Variants in LMAN2 observed in about 807,000 individuals in gnomAD.
LMAN2 encodes the protein lectin, mannose binding 2, also known as vesicular integral-membrane protein VIP36.
Under a neutral mutation model 39.3 loss-of-function variants are expected in LMAN2, and 22 were observed. The ratio of observed to expected loss-of-function variants is 0.56; its 90% confidence interval spans 0.40 to 0.80. The LOEUF (loss-of-function observed/expected upper bound fraction) is 0.80, where lower values mean the gene tolerates loss of function less well. LMAN2 is among the 30% of genes least tolerant of loss of function. The pLI is 0.00. For missense variants in LMAN2, 494 were observed against 505.4 expected (o/e 0.98, Z 0.22); for synonymous variants, 207 against 207.8 (o/e 1.00, Z 0.03).
intron 6 of LMAN2, among the ~76,000 whole-genome samples, chr5:177,336,255 G>A (rs533502561): frequency 1.3e-5 from 2 of 152,314 alleles, no homozygotes; most frequent in Admixed American, 1.3e-4. Flanking sequence ...CGGGGCAGGA[G>A]GGCACAGGCG....
chr5:177,347,087 A>T (rs896626262), intron 2 of LMAN2, among the ~76,000 whole-genome samples: 1 of 152,222 alleles, frequency 6.6e-6, no homozygotes, highest in East Asian at 1.9e-4. Context: ...TTTAAAAGAT[A>T]ACTAAAATAG....
chr5:177,350,255 G>A (rs1393604774), intron 2 of LMAN2, among the ~76,000 whole-genome samples: 1 of 152,206 alleles, frequency 6.6e-6, no homozygotes, highest in African/African-American at 2.4e-5. Flanking sequence ...TCAGAGAGCA[G>A]GGTGATGGAG....
At chr5:177,334,614 C>A in intron 6 of LMAN2, 1 of 547,084 alleles carries the variant, frequency 1.8e-6, no homozygotes. Flanking sequence ...GGAGAGAAAA[C>A]AGTAAGGGCT....
chr5:177,331,966 A>T lies in LMAN2; in HGVS notation c.*120T>A. 1 of 1,149,420 alleles carries T rather than the reference A, an allele frequency of 8.7e-7. No homozygotes were observed. Among genetic ancestry groups the T allele is most frequent in the Non-Finnish European group, 1.2e-6 (1 of 834,606 alleles). The allele number at this position is 1,149,420 out of a possible 1,614,324, so 71.2% of individuals were successfully genotyped here. A position where few individuals can be genotyped will look rare whatever the true frequency, so the allele number is the denominator to read the frequency against. ...GAAGCAAAATGTATGAAAATACTTT[A>T]ATCATTTATTTGAAACAGTTAAGAA... On this transcript the variant is annotated 3_prime_UTR_variant, in exon 8 of 8. Coordinates refer to ENST00000303127, the MANE Select transcript of LMAN2 (RefSeq NM_006816.3).
chr5:177,334,142 G>A (rs750729250), intron 7 of LMAN2, 142 bp downstream of exon 7: 17 of 1,390,428 alleles, frequency 1.2e-5, no homozygotes, highest in East Asian at 2.4e-5. Context: ...AGCCAGTGCC[G>A]CTTGCCAGGA....
intron 2 of LMAN2, among the ~76,000 whole-genome samples, chr5:177,340,293 T>G (rs1761532725): frequency 6.6e-6 from 1 of 152,184 alleles, no homozygotes; most frequent in Non-Finnish European, 1.5e-5. Flanking sequence ...CCCCAGGCAA[T>G]CCTGAGAACG....
At chr5:177,349,105 A>G (rs1005442367) in intron 2 of LMAN2, among the ~76,000 whole-genome samples, 2 of 152,152 alleles carry the variant, frequency 1.3e-5, no homozygotes, top group African/African-American at 4.8e-5. Context: ...GCCTCCGCAC[A>G]AGACCCCCAA....
Position 177,331,981 on chromosome 5 carries a change from ACAGTT to A in LMAN2, c.*100_*104del. The stretch of plus-strand genomic sequence containing the variant: ...AAAATACTTTAATCATTTATTTGAA[ACAGTT>A]AAGAAATAAGGTCATCTTGTTGTTC... On this transcript the variant is annotated 3_prime_UTR_variant, in exon 8 of 8. Transcript: ENST00000303127. 8.3e-7 allele frequency: 1 copy of A among 1,207,678 alleles called. No homozygotes were observed. The highest frequency in any genetic ancestry group is 1.5e-5 in the African/African-American group (1 of 65,310). 74.8% of individuals were successfully genotyped at this position (1,207,678 alleles called of 1,614,324 possible). A position where few individuals can be genotyped will look rare whatever the true frequency, so the allele number is the denominator to read the frequency against.
rs139795309 is a variant in LMAN2 at position 177,337,155 on chromosome 5, G to A, written c.771C>T (p.Ala257=). ...ACTCACCAGACAGGTCGCCGGTGCCGGCGGAGGCCCCGAAGTAGTAGCCGG... is the reference window on the plus strand; with the variant it reads ...ACTCACCAGACAGGTCGCCGGTGCCAGCGGAGGCCCCGAAGTAGTAGCCGG... ...LPTGYYFGAS[A]GTGDLSDNHD... Residue 257 remains alanine, a synonymous_variant, in exon 6 of 8, where the codon GCC becomes GCT. Transcript: ENST00000303127. This position sits in a 1 kb window ranked among gnomAD's most constrained non-coding sequence, Gnocchi z 8.2. The A allele has an allele frequency of 7.2e-5, 116 of 1,613,326 alleles. No homozygotes were observed. The African/African-American group carries it at 9.9e-4, about 14-fold the overall frequency.
At chr5:177,343,564 G>GACACACACACAC (rs368470169) in intron 2 of LMAN2, among the ~76,000 whole-genome samples, 60 of 84,686 alleles carry the variant, frequency 7.1e-4, no homozygotes, top group Middle Eastern at 5.8e-3. Flanking sequence ...ATGTGGTCTA[G>GACACACACACAC]ACACACACAC....
intron 2 of LMAN2, among the ~76,000 whole-genome samples, chr5:177,341,309 G>A (rs1326033321): frequency 4.0e-5 from 6 of 151,786 alleles, no homozygotes; most frequent in African/African-American, 7.3e-5. Flanking sequence ...AAGGTGATCC[G>A]CCCGTCTCGG....
chr5:177,341,346 G>A lies in LMAN2; in HGVS notation c.316-2741C>T, dbSNP rs186148192. Among the ~76,000 whole-genome samples, 81 of 152,140 alleles carry A rather than the reference G, an allele frequency of 5.3e-4. No homozygotes were observed. The East Asian group carries it at 9.4e-3, about 18-fold the overall frequency. On this transcript the variant is annotated intron_variant, in intron 2 of 7. Coordinates refer to ENST00000303127, the MANE Select transcript of LMAN2 (RefSeq NM_006816.3). ...CTCCCAAAGTGCTGGGATTACAGGC[G>A]TGAGCCACCGCGCCCGGCCATAAAA...
At chr5:177,347,950 C>T (rs757196419) in intron 2 of LMAN2, among the ~76,000 whole-genome samples, 14 of 152,038 alleles carry the variant, frequency 9.2e-5, no homozygotes, top group Non-Finnish European at 2.1e-4. Context: ...AAGATCCCAT[C>T]TATAATAGAA....
At chr5:177,341,678 T>A (rs968722116) in intron 2 of LMAN2, among the ~76,000 whole-genome samples, 1 of 152,224 alleles carries the variant, frequency 6.6e-6, no homozygotes, top group Admixed American at 6.5e-5. Flanking sequence ...CATCCAGATG[T>A]AAAGTCAGAT....
chr5:177,335,660 A>T (rs1389610248), intron 6 of LMAN2, among the ~76,000 whole-genome samples: 6 of 152,180 alleles, frequency 3.9e-5, no homozygotes. Context: ...GGTTGGCAGG[A>T]AGGGTGCTTA....
chr5:177,337,248 C>A lies in LMAN2; in HGVS notation c.678G>T (p.Val226=), dbSNP rs1021317473. 2 of 1,613,938 alleles carry A rather than the reference C, an allele frequency of 1.2e-6. No individual in the cohort carries two copies. Among genetic ancestry groups the A allele is most frequent in the African/African-American group, 2.7e-5 (2 of 75,044 alleles). Residue 226 remains valine (V), a splice_region_variant and synonymous_variant, in exon 6 of 8, where the codon GTG becomes GTT. Transcript: ENST00000303127. This position sits in a 1 kb window ranked among gnomAD's most constrained non-coding sequence, Gnocchi z 8.2. ...AVRYSRGRLT[V]MTDLEDKNEW... ...CGTTCTTGTCCTCCAGGTCGGTCATCACCTGCAGGGCCCAGCACGCTAAGC... is the reference window on the plus strand; with the variant it reads ...CGTTCTTGTCCTCCAGGTCGGTCATAACCTGCAGGGCCCAGCACGCTAAGC...
intron 2 of LMAN2, among the ~76,000 whole-genome samples, chr5:177,343,151 AG>A (rs1277165523): frequency 6.6e-6 from 1 of 151,894 alleles, no homozygotes; most frequent in Non-Finnish European, 1.5e-5. Flanking sequence ...GCTATTCGGG[AG>A]GCTGAGGCAG....
intron 2 of LMAN2, among the ~76,000 whole-genome samples, chr5:177,345,289 C>T (rs973215047): frequency 2.2e-5 from 3 of 134,830 alleles, no homozygotes; most frequent in Non-Finnish European, 4.6e-5. Flanking sequence ...TGCAGTGAGC[C>T]GTGATTACAC....
At chr5:177,348,511 A>T (rs922064868) in intron 2 of LMAN2, among the ~76,000 whole-genome samples, 2 of 151,876 alleles carry the variant, frequency 1.3e-5, no homozygotes, top group Admixed American at 1.3e-4. Flanking sequence ...ACATGGCAAA[A>T]CCTCATCTCT....
Sources: gnomAD v4.1 joint callset for allele counts (sites outside exome capture counted in the v4.1 genomes callset) on GRCh38, gnomAD v4.1.1 for gene constraint, Gnocchi (gnomAD v3.1) non-coding constraint, MANE v1.5 for transcripts, NCBI Gene and HGNC (gene_info 2026-07-23, HGNC 2026-07-21) for gene names.